LRRC4C: variants seen among roughly 807,000 people sequenced by gnomAD.
LRRC4C encodes the protein leucine rich repeat containing 4C.
LRRC4C carries 5 observed loss-of-function variants against 33.6 expected under a neutral mutation model. That is an observed-to-expected ratio of 0.15 (90% CI 0.08 to 0.31). LRRC4C has a LOEUF of 0.31. Among genes scored for constraint, LRRC4C ranks in the 10% least tolerant of loss-of-function variants. LRRC4C has a pLI of 1.00. For missense variants in LRRC4C, 560 were observed against 796.7 expected (o/e 0.70, Z 3.58); for synonymous variants, 329 against 302.0 (o/e 1.09, Z -0.93).
intron 2 of LRRC4C, among the ~76,000 whole-genome samples, chr11:40,766,017 C>A (rs1419627688): frequency 6.6e-6 from 1 of 150,564 alleles, no homozygotes; most frequent in African/African-American, 2.4e-5. Context: ...AATAACACTA[C>A]CTCAAATCAT....
chr11:41,454,416 G>C (rs867750377), intron 1 of LRRC4C, among the ~76,000 whole-genome samples: 1 of 152,076 alleles, frequency 6.6e-6, no homozygotes, highest in South Asian at 2.1e-4. Flanking sequence ...GCAGCAAATA[G>C]CTATGAGCAG....
intron 2 of LRRC4C, among the ~76,000 whole-genome samples, chr11:40,840,540 G>T (rs545622857): frequency 6.6e-6 from 1 of 152,220 alleles, no homozygotes; most frequent in African/African-American, 2.4e-5. Context: ...AAATTGCAAA[G>T]AACATGGACT....
chr11:40,274,418 C>CACACAT (rs1477591103), intron 4 of LRRC4C, among the ~76,000 whole-genome samples: 1 of 120,784 alleles, frequency 8.3e-6, no homozygotes, highest in Non-Finnish European at 1.7e-5. Flanking sequence ...GGAATAGACA[C>CACACAT]ACACATACAC....
At chr11:40,359,536 ATTCTGGTCC>A (rs1340076601) in intron 3 of LRRC4C, among the ~76,000 whole-genome samples, 2 of 152,166 alleles carry the variant, frequency 1.3e-5, no homozygotes, top group African/African-American at 4.8e-5. Context: ...CACAATGCTA[ATTCTGGTCC>A]TTATCTCATG....
chr11:40,797,319 G>T (rs573506085), intron 2 of LRRC4C, among the ~76,000 whole-genome samples: 2 of 152,196 alleles, frequency 1.3e-5, no homozygotes, highest in East Asian at 3.9e-4. Flanking sequence ...TTTTTGAAAG[G>T]TTAGGTGTTA....
chr11:41,074,324 A>G (rs1306345865), intron 1 of LRRC4C, among the ~76,000 whole-genome samples: 2 of 152,124 alleles, frequency 1.3e-5, no homozygotes, highest in South Asian at 4.1e-4. Flanking sequence ...ATAAAGAGAG[A>G]TCTTTCCACT....
chr11:40,356,473 G>A (rs1219622396), intron 3 of LRRC4C, among the ~76,000 whole-genome samples: 1 of 152,132 alleles, frequency 6.6e-6, no homozygotes, highest in African/African-American at 2.4e-5. Flanking sequence ...TTCAAGGTAG[G>A]TTAGAGAGGT....
At chr11:41,020,956 T>A (rs1488618806) in intron 1 of LRRC4C, among the ~76,000 whole-genome samples, 1 of 152,186 alleles carries the variant, frequency 6.6e-6, no homozygotes, top group Admixed American at 6.5e-5. Context: ...GAAATGTCAT[T>A]TTATCAGATA....
At chr11:40,751,270 A>G (rs1317780597) in intron 2 of LRRC4C, among the ~76,000 whole-genome samples, 1 of 152,140 alleles carries the variant, frequency 6.6e-6, no homozygotes, top group Non-Finnish European at 1.5e-5. Flanking sequence ...CTAGCCAGAT[A>G]AATCAGGCTA....
intron 6 of LRRC4C, among the ~76,000 whole-genome samples, chr11:40,140,131 A>G (rs1048170253): frequency 2.6e-5 from 4 of 152,178 alleles, no homozygotes; most frequent in Non-Finnish European, 5.9e-5. Flanking sequence ...AATTATTTAT[A>G]AAGGGCCAAC....
chr11:40,165,670 G>A (rs914742143), intron 5 of LRRC4C, among the ~76,000 whole-genome samples: 3 of 152,198 alleles, frequency 2.0e-5, no homozygotes, highest in Admixed American at 1.3e-4. Flanking sequence ...AACATACCGG[G>A]CATGGTGGCT....
chr11:40,962,677 T>C (rs1279242592), intron 1 of LRRC4C, among the ~76,000 whole-genome samples: 1 of 151,640 alleles, frequency 6.6e-6, no homozygotes, highest in Non-Finnish European at 1.5e-5. Flanking sequence ...AAAACATATA[T>C]ACAAATATGT....
intron 1 of LRRC4C, among the ~76,000 whole-genome samples, chr11:41,282,762 T>A (rs1203364630): frequency 6.6e-6 from 1 of 152,192 alleles, no homozygotes; most frequent in Non-Finnish European, 1.5e-5. Flanking sequence ...GGGATGCAGC[T>A]GCAGATGTGG....
chr11:40,844,219 C>G (rs1591861415), intron 2 of LRRC4C, among the ~76,000 whole-genome samples: 2 of 150,736 alleles, frequency 1.3e-5, no homozygotes, highest in East Asian at 3.9e-4. Context: ...GCACATGTAC[C>G]CTTAAACTTA....
chr11:40,692,098 C>T (rs1945243880), intron 2 of LRRC4C, among the ~76,000 whole-genome samples: 1 of 152,026 alleles, frequency 6.6e-6, no homozygotes, highest in Non-Finnish European at 1.5e-5. Flanking sequence ...TTAATCCTCC[C>T]CATCTCATAA....
chr11:41,245,181 G>A (rs1435823178), intron 1 of LRRC4C, among the ~76,000 whole-genome samples: 3 of 152,164 alleles, frequency 2.0e-5, no homozygotes, highest in Non-Finnish European at 4.4e-5. Flanking sequence ...ATTGTCACAG[G>A]ATCCTTGGGG....
intron 2 of LRRC4C, among the ~76,000 whole-genome samples, chr11:40,670,098 T>C (rs1944014815): frequency 6.6e-6 from 1 of 152,158 alleles, no homozygotes; most frequent in African/African-American, 2.4e-5. Flanking sequence ...AAGAGCAACT[T>C]TTCTCCCAGA....
intron 3 of LRRC4C, among the ~76,000 whole-genome samples, chr11:40,643,936 T>A (rs951573228): frequency 2.0e-5 from 3 of 152,098 alleles, no homozygotes; most frequent in Non-Finnish European, 2.9e-5. Flanking sequence ...TCAAAATGTC[T>A]AGGTTTCAAC....
At chr11:40,272,768 T>A (rs953811864) in intron 4 of LRRC4C, among the ~76,000 whole-genome samples, 4 of 152,070 alleles carry the variant, frequency 2.6e-5, no homozygotes, top group Admixed American at 2.0e-4. Flanking sequence ...GGAAAGCATG[T>A]CTTATTATAA....
Sources: gnomAD v4.1 joint callset for allele counts (sites outside exome capture counted in the v4.1 genomes callset) on GRCh38, gnomAD v4.1.1 for gene constraint, MANE v1.5 for transcripts, NCBI Gene and HGNC (gene_info 2026-07-23, HGNC 2026-07-21) for gene names.